Variants in NBEAL1 observed in about 807,000 individuals in gnomAD.
NBEAL1 encodes neurobeachin-like protein 1.
NBEAL1 carries 273 observed loss-of-function variants against 351.3 expected under a neutral mutation model. That is an observed-to-expected ratio of 0.78 (90% CI 0.70 to 0.86). NBEAL1 has a LOEUF of 0.86. Among genes scored for constraint, NBEAL1 ranks in the 40% least tolerant of loss-of-function variants. The pLI, the probability that NBEAL1 is intolerant of heterozygous loss-of-function variation, is 0.00. For synonymous variants in NBEAL1, 1,050 were observed against 1,086.4 expected (o/e 0.97, Z 0.66); for missense variants, 2,961 against 3,201.3 (o/e 0.92, Z 1.81).
At chr2:203,046,371 A>G (rs1305769832) in intron 3 of NBEAL1, among the ~76,000 whole-genome samples, 2 of 151,808 alleles carry the variant, frequency 1.3e-5, no homozygotes, top group Non-Finnish European at 2.9e-5. Context: ...ACCCGCCACC[A>G]CGCTCGGCTA....
chr2:203,016,806 G>A (rs2060687851), intron 2 of NBEAL1, among the ~76,000 whole-genome samples: 1 of 152,118 alleles, frequency 6.6e-6, no homozygotes, highest in Admixed American at 6.5e-5. Context: ...AGGGCATTAA[G>A]CATTTTTCTT....
chr2:203,084,045 G>C (rs1574946365), intron 9 of NBEAL1, among the ~76,000 whole-genome samples: 1 of 139,998 alleles, frequency 7.1e-6, no homozygotes, highest in African/African-American at 2.7e-5. Flanking sequence ...TCTTTGTGTT[G>C]GTTGTTTTGT....
intron 55 of NBEAL1, 150 bp from the exon 56 acceptor site, chr2:203,217,103 C>T (rs1030426933): frequency 1.4e-5 from 7 of 489,196 alleles, no homozygotes; most frequent in African/African-American, 8.1e-5. Flanking sequence ...CACACCTGGC[C>T]GTCTTTCTCT....
chr2:203,079,944 T>A (rs1182827937), intron 8 of NBEAL1, among the ~76,000 whole-genome samples: 1 of 152,190 alleles, frequency 6.6e-6, no homozygotes, highest in African/African-American at 2.4e-5. Context: ...TGTTTGATAA[T>A]GTATTTATCA....
intron 3 of NBEAL1, 86 bp from the exon 4 acceptor site, chr2:203,049,728 G>T: frequency 8.6e-7 from 1 of 1,161,576 alleles, no homozygotes. Context: ...TTTAGGATTT[G>T]GGCTGAAAAT....
At chr2:203,183,573 A>G (rs2064797112) in intron 44 of NBEAL1, among the ~76,000 whole-genome samples, 185 bp downstream of exon 44, 1 of 152,148 alleles carries the variant, frequency 6.6e-6, no homozygotes, top group African/African-American at 2.4e-5. Flanking sequence ...TAATGAGACT[A>G]TAGTATAGTA....
intron 4 of NBEAL1, 191 bp downstream of exon 4, chr2:203,050,166 G>A (rs1349695885): frequency 1.2e-5 from 5 of 421,152 alleles, no homozygotes; most frequent in Non-Finnish European, 2.1e-5. Context: ...ACTATGGCAT[G>A]TGTATACCTA....
chr2:203,139,557 CTTTTTTTTTTTTT>C lies in NBEAL1; in HGVS notation c.4848+826_4848+838del, dbSNP rs370861737. Among the ~76,000 whole-genome samples the C allele has an allele frequency of 2.8e-4, 19 of 67,646 alleles. No individual in the cohort carries two copies. The East Asian group carries it at 6.2e-3, about 22-fold the overall frequency. 44.4% of individuals were successfully genotyped at this position (67,646 alleles called of 152,430 possible). On this transcript the variant is annotated intron_variant, in intron 31 of 55. Coordinates refer to ENST00000683969, the MANE Select transcript of NBEAL1 (RefSeq NM_001378026.1). ...CTGACAACAGGTTGCCCACCCCCAC[CTTTTTTTTTTTTT>C]TTTTTTTTTTTTTTTTGAGACAGAG...
At position 203,127,697 on chromosome 2, in the gene NBEAL1, G is replaced by A. The variant is rs2062973129; in HGVS notation, c.3249-84G>A. On this transcript the variant is annotated intron_variant, in intron 23 of 55. Coordinates refer to ENST00000683969, the MANE Select transcript of NBEAL1 (RefSeq NM_001378026.1). ...AGATTGTACCACTGCACTCCAGCCT[G>A]GGCAACAGAGCGAGACTCCATCTCA... 2.0e-5 allele frequency: 17 copies of A among 830,916 alleles called. 1 individual carries two copies. The South Asian group carries it at 2.7e-4, about 13-fold the overall frequency. 51.5% of individuals were successfully genotyped at this position (830,916 alleles called of 1,614,324 possible).
chr2:203,041,734 A>T, intron 2 of NBEAL1, 31 bp from the exon 3 acceptor site: 1 of 1,463,104 alleles, frequency 6.8e-7, no homozygotes, highest in Non-Finnish European at 9.3e-7. Flanking sequence ...TGATAGGCAT[A>T]CTTAATATTA....
At chr2:203,047,084 C>A (rs749836368) in intron 3 of NBEAL1, among the ~76,000 whole-genome samples, 1 of 152,050 alleles carries the variant, frequency 6.6e-6, no homozygotes, top group South Asian at 2.1e-4. Flanking sequence ...ACTAAAAATA[C>A]AAAATTAGCG....
At chr2:203,127,037 A>G in intron 23 of NBEAL1, 111 bp downstream of exon 23, 1 of 735,786 alleles carries the variant, frequency 1.4e-6, no homozygotes, top group Non-Finnish European at 2.2e-6. Flanking sequence ...GTATGTTTTA[A>G]CTGGAGAGAG....
intron 12 of NBEAL1, among the ~76,000 whole-genome samples, chr2:203,103,903 C>A (rs1004292761): frequency 1.3e-5 from 2 of 152,030 alleles, no homozygotes; most frequent in African/African-American, 4.8e-5. Flanking sequence ...TTCATGTAAG[C>A]GTGTGGTTTT....
chr2:203,132,299 G>A (rs951850021), intron 26 of NBEAL1, among the ~76,000 whole-genome samples, 167 bp downstream of exon 26: 5 of 152,118 alleles, frequency 3.3e-5, no homozygotes, highest in South Asian at 2.1e-4. Context: ...TCCCCGGGGC[G>A]TAGCACAGTT....
chr2:203,201,542 G>T lies in NBEAL1; in HGVS notation c.7239-1G>T. The T allele has an allele frequency of 6.5e-7, 1 of 1,536,712 alleles. No homozygotes were observed. Among genetic ancestry groups the T allele is most frequent in the South Asian group, 1.3e-5 (1 of 77,772 alleles). On this transcript the variant is annotated splice_acceptor_variant, in intron 49 of 55. Coordinates refer to ENST00000683969, the MANE Select transcript of NBEAL1 (RefSeq NM_001378026.1). LOFTEE classifies it high-confidence loss of function. ...AGTCTGATATTTAATTGTGTTTACAGAACTCAGCGCAGTATAAATGGTTCT... is the reference window on the plus strand; with the variant it reads ...AGTCTGATATTTAATTGTGTTTACATAACTCAGCGCAGTATAAATGGTTCT...
At position 203,193,786 on chromosome 2, in the gene NBEAL1, A is replaced by G. The variant is rs772930878; in HGVS notation, c.6922-9A>G. On this transcript the variant is annotated splice_polypyrimidine_tract_variant and intron_variant, in intron 46 of 55. Transcript: ENST00000683969. ...TATGGAATTGTTTTTCCTTAAAATT[A>G]TTTTGAAGGAACCACACCCTCCAAG... 6.3e-7 allele frequency: 1 copy of G among 1,590,800 alleles called. No individual in the cohort carries two copies. The highest frequency in any genetic ancestry group is 1.1e-5 in the South Asian group (1 of 88,746).
intron 8 of NBEAL1, among the ~76,000 whole-genome samples, chr2:203,078,685 A>G (rs1012062159): frequency 1.3e-5 from 2 of 152,352 alleles, no homozygotes; most frequent in African/African-American, 2.4e-5. Flanking sequence ...CGAAAGGATT[A>G]TAGTTCAGAA....
At chr2:203,049,757 A>G (rs1397344261) in intron 3 of NBEAL1, 57 bp from the exon 4 acceptor site, 2 of 1,416,000 alleles carry the variant, frequency 1.4e-6, no homozygotes, top group African/African-American at 1.5e-5. Context: ...TTTAAATGCC[A>G]GAGATTTTCT....
At chr2:203,054,518 C>T (rs2061375468) in intron 4 of NBEAL1, among the ~76,000 whole-genome samples, 2 of 152,094 alleles carry the variant, frequency 1.3e-5, no homozygotes, top group Admixed American at 1.3e-4. Context: ...AGTCCTCCTG[C>T]CTCTGCCTCT....
Sources: allele counts gnomAD v4.1 joint callset (sites outside exome capture counted in the v4.1 genomes callset), GRCh38; gene constraint gnomAD v4.1.1; transcripts MANE v1.5; gene names NCBI Gene and HGNC (gene_info 2026-07-23, HGNC 2026-07-21).